Variants in ZMYND11 observed in about 807,000 individuals in gnomAD.
ZMYND11 encodes zinc finger MYND domain-containing protein 11.
Under a neutral mutation model 84.9 loss-of-function variants are expected in ZMYND11, and 9 were observed. That is an observed-to-expected ratio of 0.11 (90% confidence interval 0.06 to 0.18). The LOEUF is 0.18. Ranked by LOEUF, ZMYND11 falls within the 10% of genes least tolerant of loss-of-function variation. The pLI is 1.00. For synonymous variants in ZMYND11, 250 were observed against 244.1 expected (o/e 1.02, Z -0.23); for missense variants, 409 against 761.0 (o/e 0.54, Z 5.44).
chr10:217,181 T>C (rs142866206), intron 3 of ZMYND11, among the ~76,000 whole-genome samples: 1 of 152,326 alleles, frequency 6.6e-6, no homozygotes, highest in Non-Finnish European at 1.5e-5. Flanking sequence ...CAACTCTCTT[T>C]CTGTGCTTCG....
intron 5 of ZMYND11, among the ~76,000 whole-genome samples, chr10:237,163 C>A (rs1281283197): frequency 6.6e-6 from 1 of 152,196 alleles, no homozygotes; most frequent in Non-Finnish European, 1.5e-5. Context: ...GAAACATTTA[C>A]ATTTTTGAAT....
intron 4 of ZMYND11, among the ~76,000 whole-genome samples, chr10:222,852 A>G (rs182402465): frequency 2.1e-3 from 323 of 152,318 alleles, no homozygotes; most frequent in African/African-American, 7.3e-3. Flanking sequence ...CATAGTAAAT[A>G]ACTTAAACGA....
chr10:169,691 G>C (rs1461365302), intron 1 of ZMYND11, among the ~76,000 whole-genome samples: 1 of 152,114 alleles, frequency 6.6e-6, no homozygotes, highest in Non-Finnish European at 1.5e-5. Context: ...TGACTAAGGA[G>C]AGAATCTCTG....
intron 1 of ZMYND11, among the ~76,000 whole-genome samples, chr10:178,017 A>G (rs1333081569): frequency 6.6e-6 from 1 of 152,206 alleles, no homozygotes; most frequent in African/African-American, 2.4e-5. Flanking sequence ...ATTATCTTTT[A>G]AAGAAATTAA....
intron 1 of ZMYND11, among the ~76,000 whole-genome samples, chr10:176,379 A>G (rs189957735): frequency 1.0e-3 from 159 of 152,110 alleles, no homozygotes; most frequent in Non-Finnish European, 1.9e-3. Flanking sequence ...AAGATTGAAG[A>G]CTGTATTAAT....
At chr10:144,938 TTC>T (rs1336561607) in intron 1 of ZMYND11, among the ~76,000 whole-genome samples, 1 of 150,884 alleles carries the variant, frequency 6.6e-6, no homozygotes, top group Non-Finnish European at 1.5e-5. Flanking sequence ...CTCTTCCCCA[TTC>T]TGAGTCTCCA....
At chr10:188,430 A>G (rs1446532040) in intron 2 of ZMYND11, among the ~76,000 whole-genome samples, 1 of 151,824 alleles carries the variant, frequency 6.6e-6, no homozygotes, top group Non-Finnish European at 1.5e-5. Flanking sequence ...TCTACAAAAA[A>G]AAAAACCACA....
chr10:252,512 A>C lies in ZMYND11; in HGVS notation c.*42A>C, dbSNP rs1360238653. ...AGTCACCCCGATGATTACTCTTTTC[A>C]GACACAGCGGTTTTTGTTTCCAAGA... On this transcript the variant is annotated 3_prime_UTR_variant, in exon 15 of 15. Transcript: ENST00000381604. This position sits in a 1 kb window ranked among gnomAD's most constrained non-coding sequence, Gnocchi z 4.6. 2 of 1,567,262 alleles carry C rather than the reference A, an allele frequency of 1.3e-6. No individual in the cohort carries two copies. Among genetic ancestry groups the C allele is most frequent in the African/African-American group, 2.7e-5 (2 of 73,860 alleles).
At chr10:208,432 A>G (rs1049019785) in intron 2 of ZMYND11, among the ~76,000 whole-genome samples, 3 of 152,226 alleles carry the variant, frequency 2.0e-5, no homozygotes, top group Non-Finnish European at 4.4e-5. Context: ...CAGTGAACTC[A>G]AACAAATTTA....
intron 1 of ZMYND11, among the ~76,000 whole-genome samples, chr10:165,904 T>C (rs1554763590): frequency 3.3e-5 from 5 of 152,102 alleles, no homozygotes; most frequent in Non-Finnish European, 4.4e-5. Context: ...AGTAATAATA[T>C]AGATTTATAG....
chr10:170,364 T>A (rs985510271), intron 1 of ZMYND11, among the ~76,000 whole-genome samples: 1 of 151,928 alleles, frequency 6.6e-6, no homozygotes, highest in Non-Finnish European at 1.5e-5. Flanking sequence ...AAATAAAAAT[T>A]TTTTCTTCCT....
At chr10:218,278 G>A (rs749765293) in intron 3 of ZMYND11, among the ~76,000 whole-genome samples, 9 of 151,958 alleles carry the variant, frequency 5.9e-5, no homozygotes, top group Non-Finnish European at 1.2e-4. Context: ...CTGTCTTTTC[G>A]TTATTAATTA....
chr10:181,983 T>TA (rs1847988116), intron 2 of ZMYND11, among the ~76,000 whole-genome samples: 2 of 152,220 alleles, frequency 1.3e-5, no homozygotes, highest in South Asian at 4.1e-4. Flanking sequence ...AAAAATTGCT[T>TA]AGAGAAGAAT....
At chr10:160,508 T>C (rs1554761426) in intron 1 of ZMYND11, among the ~76,000 whole-genome samples, 1 of 152,156 alleles carries the variant, frequency 6.6e-6, no homozygotes, top group African/African-American at 2.4e-5. Flanking sequence ...GCCACATCGA[T>C]TGGCTTTTCC....
At chr10:133,551 A>C (rs887857721), upstream of ZMYND11, among the ~76,000 whole-genome samples, 1 of 152,186 alleles carries the variant, frequency 6.6e-6, no homozygotes, top group African/African-American at 2.4e-5. Flanking sequence ...TTATGCTGCC[A>C]CTTCTTTCCT....
chr10:240,384 G>A (rs1240805205), intron 8 of ZMYND11, among the ~76,000 whole-genome samples: 1 of 152,114 alleles, frequency 6.6e-6, no homozygotes, highest in African/African-American at 2.4e-5. Flanking sequence ...TACGCCTGTA[G>A]TCCCAGCTAC....
At position 248,383 on chromosome 10, in the gene ZMYND11, C is replaced by T. The variant is rs1372626384; in HGVS notation, c.1275C>T (p.Pro425=). 3 of 1,614,110 alleles carry T rather than the reference C, an allele frequency of 1.9e-6. No homozygotes were observed. Among genetic ancestry groups the T allele is most frequent in the Non-Finnish European group, 2.5e-6 (3 of 1,180,012 alleles). The change falls in exon 13 of 15, where the codon CCC becomes CCT. Residue 425 remains proline, a synonymous_variant. Coordinates refer to ENST00000381604, the MANE Select transcript of ZMYND11 (RefSeq NM_001370100.5). ...TEAVSSSQEI[P]TMPQPIEKVS... The stretch of plus-strand genomic sequence containing the variant: ...CAGTAAGTTCTAGCCAGGAAATACC[C>T]ACGATGCCTCAGCCCATCGAAAAAG...
intron 1 of ZMYND11, among the ~76,000 whole-genome samples, chr10:162,764 A>G (rs1843199210): frequency 6.6e-6 from 1 of 152,192 alleles, no homozygotes; most frequent in Non-Finnish European, 1.5e-5. Context: ...CATGGATGTT[A>G]ATAAACTTGT....
At chr10:205,110 GA>G (rs1240878040) in intron 2 of ZMYND11, among the ~76,000 whole-genome samples, 1 of 152,076 alleles carries the variant, frequency 6.6e-6, no homozygotes, top group Non-Finnish European at 1.5e-5. Flanking sequence ...GTCTGTAGCT[GA>G]TGTTTTTCTG....
Sources: gnomAD v4.1 joint callset for allele counts (sites outside exome capture counted in the v4.1 genomes callset) on GRCh38, gnomAD v4.1.1 for gene constraint, Gnocchi (gnomAD v3.1) non-coding constraint, MANE v1.5 for transcripts, NCBI Gene and HGNC (gene_info 2026-07-23, HGNC 2026-07-21) for gene names.